CACNA1B: variants seen among roughly 807,000 people sequenced by gnomAD.
The protein encoded by CACNA1B is voltage-dependent N-type calcium channel subunit alpha-1B.
CACNA1B carries 70 observed loss-of-function variants against 247.2 expected under a neutral mutation model. The ratio of observed to expected loss-of-function variants is 0.28; its 90% CI spans 0.23 to 0.35. CACNA1B has a LOEUF of 0.35. Among genes scored for constraint, CACNA1B ranks in the 10% least tolerant of loss-of-function variants. The probability of loss-of-function intolerance (pLI) is 1.00; values close to 1 mark genes in which losing one functional copy is unlikely to be tolerated. For missense variants in CACNA1B, 2,367 were observed against 3,197.4 expected, an observed-to-expected ratio of 0.74 and a Z score of 6.26; for synonymous variants, 1,231 against 1,294.4, an observed-to-expected ratio of 0.95 and a Z score of 1.05.
chr9:138,090,877 AC>A (rs754118946), intron 36 of CACNA1B, among the ~76,000 whole-genome samples: 14 of 151,872 alleles, frequency 9.2e-5, no homozygotes, highest in Non-Finnish European at 1.3e-4. Flanking sequence ...ATACCATCTC[AC>A]CCCAGTTAGA....
chr9:138,017,037 C>A (rs1958801790), intron 18 of CACNA1B: 11 of 469,426 alleles, frequency 2.3e-5, no homozygotes, highest in South Asian at 1.7e-4. Flanking sequence ...ATGCACATGG[C>A]AGCCTGCGCC....
intron 10 of CACNA1B, among the ~76,000 whole-genome samples, chr9:137,960,339 C>G (rs1399001064): frequency 6.5e-5 from 8 of 122,486 alleles, no homozygotes; most frequent in Non-Finnish European, 1.3e-4. Context: ...GGTAGGGGAG[C>G]GGGAAGGGGA....
intron 10 of CACNA1B, among the ~76,000 whole-genome samples, chr9:137,960,097 G>A (rs1957994257): frequency 1.4e-5 from 2 of 147,522 alleles, no homozygotes; most frequent in Admixed American, 6.7e-5. Context: ...GCCAGGGGAG[G>A]GGAGGTCAGC....
chr9:138,036,023 CTA>C (rs1179038368), intron 20 of CACNA1B, among the ~76,000 whole-genome samples: 1 of 152,042 alleles, frequency 6.6e-6, no homozygotes, highest in African/African-American at 2.4e-5. Flanking sequence ...TTCTCTTTTC[CTA>C]TGTTTTGCAG....
rs1957382784 is a variant in CACNA1B, at chr9:137,913,795, C to T, written c.622+524C>T. ...GCCAGTGACCACCTGGACCCCTATT[C>T]CTTCAGCCCAGTGGAAGTCTGGTTT... On this transcript the variant is annotated intron_variant, in intron 4 of 46. Coordinates refer to ENST00000371372, the MANE Select transcript of CACNA1B (RefSeq NM_000718.4). The surrounding 1 kb of genome is among the most constrained non-coding windows in gnomAD (Gnocchi z 5.2). 6.6e-6 allele frequency among the ~76,000 whole-genome samples: 1 copy of T among 152,178 alleles called. No individual in the cohort carries two copies.
intron 38 of CACNA1B, 46 bp from the exon 39 acceptor site, chr9:138,105,653 G>T (rs563333364): frequency 1.9e-6 from 2 of 1,051,166 alleles, no homozygotes; most frequent in African/African-American, 3.2e-5. Flanking sequence ...TGGGGTGGGG[G>T]GTGACCCCAG....
At position 138,065,787 on chromosome 9, in the gene CACNA1B, G is replaced by A. The variant is rs1051320706; in HGVS notation, c.4669-3971G>A. 5.3e-5 allele frequency among the ~76,000 whole-genome samples: 8 copies of A among 152,142 alleles called. No homozygotes were observed. In the East Asian group the frequency reaches 5.8e-4, roughly 11 times the overall value. On this transcript the variant is annotated intron_variant, in intron 31 of 46. Coordinates refer to ENST00000371372, the MANE Select transcript of CACNA1B (RefSeq NM_000718.4). ...TCACCAGCTCTACCATCCTTACAGC[G>A]CCCATTCCTGACAGCCTGTGGATGC...
intron 37 of CACNA1B, among the ~76,000 whole-genome samples, chr9:138,099,081 A>G (rs1363576814): frequency 6.6e-6 from 1 of 152,250 alleles, no homozygotes. Context: ...CTTTGAAACA[A>G]CAACAAAATT....
chr9:137,958,567 G>A (rs1200832544), intron 10 of CACNA1B, among the ~76,000 whole-genome samples: 3 of 152,146 alleles, frequency 2.0e-5, no homozygotes, highest in Non-Finnish European at 2.9e-5. Flanking sequence ...TCTGCTGATC[G>A]TCTGCTGATG....
chr9:137,894,468 GC>G (rs2133249112), intron 3 of CACNA1B, among the ~76,000 whole-genome samples: 1 of 152,068 alleles, frequency 6.6e-6, no homozygotes, highest in African/African-American at 2.4e-5. Context: ...AGGCTGGAGT[GC>G]AGTGGCTCTA....
At chr9:137,929,608 G>A (rs898501528) in intron 6 of CACNA1B, among the ~76,000 whole-genome samples, 1 of 152,110 alleles carries the variant, frequency 6.6e-6, no homozygotes, top group East Asian at 1.9e-4. Flanking sequence ...ATCTTAGTGG[G>A]CATGAAGTGG....
In CACNA1B at chr9:137,878,025, G is replaced by A. The variant is rs201253748; in HGVS notation, c.92G>A (p.Gly31Asp). Residue 31 changes from glycine (G) to aspartate (D), a missense_variant, in exon 1 of 47, where the codon GGC (glycine) becomes GAC (aspartate). Physicochemically the swap from Gly to Asp is moderately conservative, Grantham distance 94. Around this residue, in one of 12 missense-constraint regions of CACNA1B, gnomAD observed 11 missense variants for 53.6 expected, o/e 0.21. Transcript: ENST00000371372. ...ARGGGAGGAG[G>D]PGPGGLQPGQ... Reference sequence around the variant, plus strand: ...GGCGGCGGGGCCGGCGGGGCGGGGGGCCCGGGTCCCGGGGGGCTGCAGCCC... The same window carrying A: ...GGCGGCGGGGCCGGCGGGGCGGGGGACCCGGGTCCCGGGGGGCTGCAGCCC... 1 of 1,268,950 alleles carries A rather than the reference G, an allele frequency of 7.9e-7. No individual in the cohort carries two copies. Among genetic ancestry groups the A allele is most frequent in the Non-Finnish European group, 1.0e-6 (1 of 1,001,254 alleles). The allele number at this position is 1,268,950 out of a possible 1,614,324, so 78.6% of individuals were successfully genotyped here.
At chr9:137,944,893 G>T (rs1957777492) in intron 6 of CACNA1B, among the ~76,000 whole-genome samples, 1 of 152,176 alleles carries the variant, frequency 6.6e-6, no homozygotes, top group Non-Finnish European at 1.5e-5. Flanking sequence ...TTATACAGGG[G>T]TGGTTGCACT....
chr9:137,947,492 A>C (rs1392604040), intron 6 of CACNA1B, among the ~76,000 whole-genome samples: 1 of 152,186 alleles, frequency 6.6e-6, no homozygotes, highest in Non-Finnish European at 1.5e-5. Context: ...AAAAACTCAA[A>C]AGGAGAAACA....
rs1961276060 is a variant in CACNA1B at position 138,102,213 on chromosome 9, A to G, written c.5223-498A>G. Among the ~76,000 whole-genome samples the G allele has an allele frequency of 6.6e-6, 1 of 152,022 alleles. No individual in the cohort carries two copies. The highest frequency in any genetic ancestry group is 2.4e-5 in the African/African-American group (1 of 41,394). ...CTCCACCTTTTTAGCCTCTAGCCTC[A>G]CTTGGAAGCAAATCTGACCGTGAGG... On this transcript the variant is annotated intron_variant, in intron 37 of 46. Coordinates refer to ENST00000371372, the MANE Select transcript of CACNA1B (RefSeq NM_000718.4). This position sits in a 1 kb window ranked among gnomAD's most constrained non-coding sequence, Gnocchi z 5.4.
At chr9:137,965,681 C>T (rs1257952500) in intron 10 of CACNA1B, among the ~76,000 whole-genome samples, 1 of 152,142 alleles carries the variant, frequency 6.6e-6, no homozygotes, top group Admixed American at 6.5e-5. Context: ...TCATTGCAAC[C>T]TCTGCCTCCT....
Position 138,058,622 on chromosome 9 carries a change from C to G in CACNA1B, c.4362C>G (p.Pro1454=). 6.2e-7 allele frequency: 1 copy of G among 1,613,928 alleles called. No individual in the cohort carries two copies. The highest frequency in any genetic ancestry group is 8.5e-7 in the Non-Finnish European group (1 of 1,179,858). The part of the protein sequence containing the change: ...ISAKPLTRYM[P]QNRQSFQYKT... ...CCAAACCCCTGACACGGTACATGCCCCAAAACCGGCAGTCGTTCCAGTATA... is the reference window on the plus strand; with the variant it reads ...CCAAACCCCTGACACGGTACATGCCGCAAAACCGGCAGTCGTTCCAGTATA... Residue 1454 remains proline (P), a synonymous_variant, in exon 29 of 47, where the codon CCC becomes CCG. Transcript: ENST00000371372. The surrounding 1 kb of genome is among the most constrained non-coding windows in gnomAD (Gnocchi z 4.7).
In CACNA1B at chr9:138,023,291, A is replaced by T; in HGVS notation, c.2548A>T (p.Arg850Trp). 1 of 1,515,824 alleles carries T rather than the reference A, an allele frequency of 6.6e-7. No homozygotes were observed. The highest frequency in any genetic ancestry group is 8.8e-7 in the Non-Finnish European group (1 of 1,140,024). 93.9% of individuals were successfully genotyped at this position (1,515,824 alleles called of 1,614,324 possible). A position where few individuals can be genotyped will look rare whatever the true frequency, so the allele number is the denominator to read the frequency against. Residue 850 changes from arginine (R) to tryptophan (W), a missense_variant, in exon 19 of 47, where the codon AGG becomes TGG. Around this residue, in one of 12 missense-constraint regions of CACNA1B, gnomAD observed 631 missense variants for 631.1 expected, o/e 1.00. Coordinates refer to ENST00000371372, the MANE Select transcript of CACNA1B (RefSeq NM_000718.4). ...EAPEGVDPPR[R>W]HHRHRDKDKT... ...CCCCGAGGGCGTCGACCCTCCGCGC[A>T]GGCACCACCGGCACCGCGACAAGGA...
intron 15 of CACNA1B, among the ~76,000 whole-genome samples, chr9:137,999,335 T>TCC (rs1958537409): frequency 1.3e-5 from 2 of 152,186 alleles, no homozygotes; most frequent in African/African-American, 4.8e-5. Flanking sequence ...TTTAATATCT[T>TCC]TCCCATATTT....
Sources: allele counts gnomAD v4.1 joint callset (sites outside exome capture counted in the v4.1 genomes callset), GRCh38; gene constraint gnomAD v4.1.1; regional missense constraint gnomAD v4.1.1; non-coding constraint Gnocchi (gnomAD v3.1); transcripts MANE v1.5; gene names NCBI Gene and HGNC (gene_info 2026-07-23, HGNC 2026-07-21).